USH2A: variants seen among roughly 807,000 people sequenced by gnomAD.
The protein encoded by USH2A is usherin, also known as Usher syndrome 2A (autosomal recessive, mild).
Under a neutral mutation model 538.9 loss-of-function variants are expected in USH2A, and 443 were observed. The ratio of observed to expected loss-of-function variants is 0.82; its 90% CI spans 0.76 to 0.89. USH2A has a LOEUF of 0.89. Among genes scored for constraint, USH2A ranks in the 40% least tolerant of loss-of-function variants. The pLI, the probability that USH2A is intolerant of heterozygous loss-of-function variation, is 0.00. For synonymous variants in USH2A, 2,413 were observed against 2,273.5 expected, an observed-to-expected ratio of 1.06 and a Z score of -1.75; for missense variants, 6,633 against 6,324.8, an observed-to-expected ratio of 1.05 and a Z score of -1.65.
At chr1:216,054,885 C>G (rs2030923013) in intron 30 of USH2A, among the ~76,000 whole-genome samples, 1 of 152,184 alleles carries the variant, frequency 6.6e-6, no homozygotes, top group Non-Finnish European at 1.5e-5. Flanking sequence ...GCTCTCATCA[C>G]CCACTCATTT....
intron 44 of USH2A, among the ~76,000 whole-genome samples, chr1:215,865,637 T>C (rs1033963562): frequency 2.6e-5 from 4 of 152,104 alleles, no homozygotes; most frequent in African/African-American, 9.7e-5. Flanking sequence ...TTCCCAGAGG[T>C]GTTTCAGAGG....
intron 46 of USH2A, among the ~76,000 whole-genome samples, chr1:215,843,091 A>G (rs1177962214): frequency 2.0e-5 from 3 of 152,102 alleles, no homozygotes; most frequent in African/African-American, 7.2e-5. Context: ...AGGGGAGACT[A>G]AAGTGTTGGT....
intron 9 of USH2A, among the ~76,000 whole-genome samples, chr1:216,302,505 C>T (rs12063582): frequency 0.018 from 2,716 of 152,058 alleles, 84 homozygotes; most frequent in African/African-American, 0.06. Flanking sequence ...TTATCTTTCC[C>T]TTGGCTAGAA....
chr1:216,269,888 A>C (rs2036543084), intron 11 of USH2A, among the ~76,000 whole-genome samples: 1 of 152,106 alleles, frequency 6.6e-6, no homozygotes, highest in African/African-American at 2.4e-5. Context: ...AGAAAAGAGT[A>C]AGATCCTGCA....
At chr1:215,824,995 T>G (rs749258961) in intron 47 of USH2A, among the ~76,000 whole-genome samples, 11 of 152,152 alleles carry the variant, frequency 7.2e-5, no homozygotes, top group Non-Finnish European at 1.5e-4. Flanking sequence ...TCTGTACATT[T>G]GTTTCTGTTT....
chr1:216,088,527 A>C (rs2032203695), intron 23 of USH2A, among the ~76,000 whole-genome samples: 1 of 152,220 alleles, frequency 6.6e-6, no homozygotes, highest in African/African-American at 2.4e-5. Context: ...TTATAATTAC[A>C]TAAATGTGGC....
chr1:216,089,762 A>G (rs1422626176), intron 22 of USH2A, among the ~76,000 whole-genome samples: 2 of 151,994 alleles, frequency 1.3e-5, no homozygotes, highest in African/African-American at 4.8e-5. Flanking sequence ...CTAAGTGATA[A>G]GACATAGGAA....
chr1:216,178,777 AT>A (rs2034439000), intron 20 of USH2A, among the ~76,000 whole-genome samples: 1 of 152,070 alleles, frequency 6.6e-6, no homozygotes, highest in African/African-American at 2.4e-5. Context: ...TAGCCTTATA[AT>A]AAGACTATTG....
At chr1:215,860,807 A>G (rs972471009) in intron 44 of USH2A, among the ~76,000 whole-genome samples, 4 of 152,214 alleles carry the variant, frequency 2.6e-5, no homozygotes, top group African/African-American at 4.8e-5. Flanking sequence ...TTCTTCAGAC[A>G]TCTCACATTA....
chr1:216,253,303 C>T (rs2036200146), intron 11 of USH2A, among the ~76,000 whole-genome samples: 1 of 151,858 alleles, frequency 6.6e-6, no homozygotes, highest in Admixed American at 6.6e-5. Context: ...TTCAGCCTCC[C>T]CAGTAGCTGG....
chr1:216,181,900 G>A (rs989342538), intron 20 of USH2A, among the ~76,000 whole-genome samples: 5 of 152,036 alleles, frequency 3.3e-5, no homozygotes, highest in Non-Finnish European at 4.4e-5. Flanking sequence ...TTAAATGCTG[G>A]TGTGACACAA....
intron 35 of USH2A, among the ~76,000 whole-genome samples, chr1:215,988,173 A>G (rs556779748): frequency 2.6e-5 from 4 of 152,186 alleles, no homozygotes; most frequent in African/African-American, 9.6e-5. Flanking sequence ...CCCATTGAAC[A>G]GCAACTCTCC....
chr1:215,651,227 A>AGGAGG (rs1444071747), intron 64 of USH2A, among the ~76,000 whole-genome samples: 5 of 152,356 alleles, frequency 3.3e-5, no homozygotes, highest in Admixed American at 3.3e-4. Flanking sequence ...CCTTTCATCA[A>AGGAGG]GGAGGGAATA....
chr1:215,628,378 G>A (rs974912737), intron 71 of USH2A, among the ~76,000 whole-genome samples: 2 of 152,198 alleles, frequency 1.3e-5, no homozygotes, highest in East Asian at 3.9e-4. Flanking sequence ...CACCTCCTGG[G>A]TTCAAGCAAT....
In USH2A at chr1:215,998,874, G is replaced by A; in HGVS notation, c.6657+13C>T. On this transcript the variant is annotated intron_variant, in intron 34 of 71. Coordinates refer to ENST00000307340, the MANE Select transcript of USH2A (RefSeq NM_206933.4). ...AGGAATGGGGACAGAGAAAGTGATG[G>A]AAATAAACTTACTCCCAGCTTGATG... The A allele has an allele frequency of 6.2e-7, 1 of 1,611,670 alleles. No individual in the cohort carries two copies. The highest frequency in any genetic ancestry group is 1.7e-5 in the Admixed American group (1 of 59,866).
At chr1:216,164,942 T>G (rs1056781172) in intron 21 of USH2A, among the ~76,000 whole-genome samples, 8 of 152,108 alleles carry the variant, frequency 5.3e-5, no homozygotes, top group African/African-American at 1.9e-4. Flanking sequence ...AGTTTCACAC[T>G]GGGGGAATGA....
At chr1:216,323,060 A>C (rs2102652234) in intron 8 of USH2A, among the ~76,000 whole-genome samples, 1 of 152,130 alleles carries the variant, frequency 6.6e-6, no homozygotes, top group South Asian at 2.1e-4. Flanking sequence ...ATCTGTACTT[A>C]AAAACTCTCT....
In USH2A at chr1:216,354,020, C is replaced by A. The variant is rs59001923; in HGVS notation, c.784+10933G>T. On this transcript the variant is annotated intron_variant, in intron 4 of 71. Transcript: ENST00000307340. ...AGGCATAGAAGGAGTAAGAAAGAAGCAGCCATACAGAGGCCAGAATGACAT... is the reference window on the plus strand; with the variant it reads ...AGGCATAGAAGGAGTAAGAAAGAAGAAGCCATACAGAGGCCAGAATGACAT... Among the ~76,000 whole-genome samples the A allele has an allele frequency of 9.8e-3, 1,491 of 152,204 alleles. 19 individuals carry two copies. Among genetic ancestry groups the A allele is most frequent in the African/African-American group, 0.035 (1,445 of 41,536 alleles).
chr1:216,119,631 AT>A (rs1278573563), intron 21 of USH2A, among the ~76,000 whole-genome samples: 4 of 151,872 alleles, frequency 2.6e-5, no homozygotes, highest in Non-Finnish European at 4.4e-5. Flanking sequence ...ATATTTTTTT[AT>A]TTTTTTCCAG....
Sources: gnomAD v4.1 joint callset for allele counts (sites outside exome capture counted in the v4.1 genomes callset) on GRCh38, gnomAD v4.1.1 for gene constraint, MANE v1.5 for transcripts, NCBI Gene and HGNC (gene_info 2026-07-23, HGNC 2026-07-21) for gene names.